AOPEP: variants seen among roughly 807,000 people sequenced by gnomAD.
AOPEP encodes the protein aminopeptidase O (putative).
Under a neutral mutation model 98.1 loss-of-function variants are expected in AOPEP, and 77 were observed. That is an observed-to-expected ratio of 0.78 (90% confidence interval 0.65 to 0.95). AOPEP has a LOEUF of 0.95. AOPEP is among the 40% of genes least tolerant of loss of function. The probability of loss-of-function intolerance (pLI) is 0.00; values close to 1 mark genes in which losing one functional copy is unlikely to be tolerated. For synonymous variants in AOPEP, 346 were observed against 365.3 expected, an observed-to-expected ratio of 0.95 and a Z score of 0.60; for missense variants, 1,024 against 1,024.7, an observed-to-expected ratio of 1.00 and a Z score of 0.01.
intron 11 of AOPEP, among the ~76,000 whole-genome samples, chr9:94,998,862 C>G (rs2061391147): frequency 6.6e-6 from 1 of 152,068 alleles, no homozygotes; most frequent in African/African-American, 2.4e-5. Context: ...GTTTTGATAC[C>G]AAGAAGTAAA....
chr9:95,061,832 C>T (rs1344445127), intron 14 of AOPEP, among the ~76,000 whole-genome samples: 1 of 152,224 alleles, frequency 6.6e-6, no homozygotes, highest in Non-Finnish European at 1.5e-5. Flanking sequence ...GCTTTTTACC[C>T]ACCTGAGCAT....
intron 13 of AOPEP, chr9:95,019,689 G>T (rs953874616): frequency 6.6e-6 from 1 of 152,206 alleles, no homozygotes; most frequent in African/African-American, 2.4e-5. Flanking sequence ...TCTTGGTCAT[G>T]TTGAGCTTCT....
chr9:94,897,279 A>T (rs915505713), intron 5 of AOPEP, among the ~76,000 whole-genome samples: 15 of 152,182 alleles, frequency 9.9e-5, no homozygotes, highest in African/African-American at 3.6e-4. Context: ...AGTCAAATAC[A>T]TTCAGATTTT....
At chr9:94,793,006 T>A in intron 4 of AOPEP, 88 bp downstream of exon 4, 1 of 1,370,354 alleles carries the variant, frequency 7.3e-7, no homozygotes, top group East Asian at 2.3e-5. Flanking sequence ...ACTGGGAATG[T>A]GAGTCATTCC....
intron 5 of AOPEP, among the ~76,000 whole-genome samples, chr9:94,888,120 G>A (rs1453440891): frequency 1.3e-5 from 2 of 152,296 alleles, no homozygotes; most frequent in Non-Finnish European, 2.9e-5. Context: ...AAGTCAAGGA[G>A]TGAAAATGAA....
intron 7 of AOPEP, among the ~76,000 whole-genome samples, chr9:94,929,874 C>T (rs976414842): frequency 6.6e-6 from 1 of 152,174 alleles, no homozygotes; most frequent in Non-Finnish European, 1.5e-5. Flanking sequence ...AAATGAGCTG[C>T]CTTGTGCATA....
chr9:94,788,411 C>T (rs1844914360), intron 3 of AOPEP, among the ~76,000 whole-genome samples: 1 of 151,820 alleles, frequency 6.6e-6, no homozygotes, highest in South Asian at 2.1e-4. Flanking sequence ...AAGAGCTAAG[C>T]CTTGTAGCAA....
At chr9:94,767,769 C>T (rs1446850915) in intron 2 of AOPEP, among the ~76,000 whole-genome samples, 1 of 152,206 alleles carries the variant, frequency 6.6e-6, no homozygotes, top group African/African-American at 2.4e-5. Flanking sequence ...CAGCCTTGTC[C>T]GTTTTGACTT....
intron 16 of AOPEP, chr9:95,085,092 G>A (rs966361878): frequency 1.3e-5 from 5 of 373,282 alleles, no homozygotes; most frequent in South Asian, 6.1e-5. Context: ...CCAACTAAAC[G>A]AACAACAAAC....
chr9:95,032,338 G>T (rs923571702), intron 13 of AOPEP, among the ~76,000 whole-genome samples: 2 of 152,206 alleles, frequency 1.3e-5, no homozygotes, highest in African/African-American at 2.4e-5. Flanking sequence ...GGCAGACCTC[G>T]CATGGCCCAT....
At chr9:94,819,758 A>G (rs756113695) in intron 5 of AOPEP, among the ~76,000 whole-genome samples, 2 of 150,850 alleles carry the variant, frequency 1.3e-5, no homozygotes, top group Non-Finnish European at 3.0e-5. Context: ...TTTTTCATAG[A>G]GACGGGGTCT....
intron 9 of AOPEP, among the ~76,000 whole-genome samples, chr9:94,961,588 G>A (rs919129910): frequency 7.2e-5 from 11 of 152,170 alleles, no homozygotes; most frequent in African/African-American, 2.6e-4. Flanking sequence ...TAGTGCTCTT[G>A]TACTGGTCCT....
At chr9:94,942,513 A>T (rs555856456) in intron 7 of AOPEP, among the ~76,000 whole-genome samples, 1 of 152,308 alleles carries the variant, frequency 6.6e-6, no homozygotes, top group African/African-American at 2.4e-5. Context: ...ATGGTTGAGG[A>T]CAGAAGGAAT....
At chr9:94,895,089 T>A (rs955436502) in intron 5 of AOPEP, among the ~76,000 whole-genome samples, 7 of 151,916 alleles carry the variant, frequency 4.6e-5, no homozygotes, top group African/African-American at 1.7e-4. Context: ...AAAGGCAGCA[T>A]GAGGCTGGAT....
Position 94,993,360 on chromosome 9 carries a change from A to G in AOPEP, c.1978-11798A>G, listed in dbSNP as rs150178014. On this transcript the variant is annotated intron_variant, in intron 11 of 16. Transcript: ENST00000375315. ...GAGGAGGGGAAGCCATTGTTGCCCAATGCTCTAGAAAGAGCACTTCGTGTT... is the reference window on the plus strand; with the variant it reads ...GAGGAGGGGAAGCCATTGTTGCCCAGTGCTCTAGAAAGAGCACTTCGTGTT... 7.2e-5 allele frequency among the ~76,000 whole-genome samples: 11 copies of G among 152,314 alleles called. No individual in the cohort carries two copies. The East Asian group carries it at 1.5e-3, about 21-fold the overall frequency.
downstream of AOPEP, among the ~76,000 whole-genome samples, chr9:95,091,530 C>A (rs1355694325): frequency 1.3e-5 from 2 of 152,110 alleles, no homozygotes; most frequent in Non-Finnish European, 2.9e-5. Flanking sequence ...ACGGTGGCCA[C>A]CCAAGAGGTT....
At chr9:95,020,583 A>G (rs1297034915) in intron 13 of AOPEP, among the ~76,000 whole-genome samples, 2 of 151,896 alleles carry the variant, frequency 1.3e-5, no homozygotes, top group East Asian at 3.9e-4. Context: ...GATGCTTGTT[A>G]TAGACCAACT....
Position 95,083,753 on chromosome 9 carries a change from C to T in AOPEP, c.*4+1034C>T, listed in dbSNP as rs144766669. On this transcript the variant is annotated intron_variant, in intron 16 of 16. Coordinates refer to ENST00000375315, the MANE Select transcript of AOPEP (RefSeq NM_001193329.3). ...TGCACGCACCACACAGCACCCGCGG[C>T]GCACACAGCACACGTGGCATATGGC... Among the ~76,000 whole-genome samples, 165 of 152,336 alleles carry T rather than the reference C, an allele frequency of 1.1e-3. 2 individuals are homozygous for T. The East Asian group carries it at 0.013, about 12-fold the overall frequency.
chr9:94,905,523 T>C (rs1239643901), intron 5 of AOPEP, among the ~76,000 whole-genome samples: 1 of 152,226 alleles, frequency 6.6e-6, no homozygotes, highest in East Asian at 1.9e-4. Context: ...TTTATCAAAA[T>C]GGTAAATATG....
Sources: gnomAD v4.1 joint callset for allele counts (sites outside exome capture counted in the v4.1 genomes callset) on GRCh38, gnomAD v4.1.1 for gene constraint, MANE v1.5 for transcripts, NCBI Gene and HGNC (gene_info 2026-07-23, HGNC 2026-07-21) for gene names.